Variants in ALDH1A2 observed in about 807,000 individuals in gnomAD.
ALDH1A2 encodes the protein retinal dehydrogenase 2.
A neutral mutation model predicts 60.3 loss-of-function variants in ALDH1A2; 27 were observed. That is an observed-to-expected ratio of 0.45 (90% confidence interval 0.33 to 0.62). The LOEUF is 0.62. ALDH1A2 is among the 20% of genes least tolerant of loss of function. ALDH1A2 has a pLI of 0.02. For synonymous variants in ALDH1A2, 289 were observed against 232.4 expected (o/e 1.24, Z -2.21); for missense variants, 581 against 643.8 (o/e 0.90, Z 1.06).
chr15:58,004,038 C>A (rs1375542129), intron 4 of ALDH1A2, among the ~76,000 whole-genome samples: 1 of 151,736 alleles, frequency 6.6e-6, no homozygotes, highest in Non-Finnish European at 1.5e-5. Flanking sequence ...GGGCCTTGAG[C>A]GAAACAGAAT....
chr15:57,964,106 C>G (rs371746910), intron 8 of ALDH1A2, 37 bp from the exon 9 acceptor site: 7 of 1,612,074 alleles, frequency 4.3e-6, no homozygotes, highest in Non-Finnish European at 5.9e-6. Flanking sequence ...ACCGCTTTGC[C>G]TGGGGAGGGG....
At chr15:58,022,949 CG>C (rs1453663077) in intron 1 of ALDH1A2, among the ~76,000 whole-genome samples, 1 of 152,102 alleles carries the variant, frequency 6.6e-6, no homozygotes, top group Non-Finnish European at 1.5e-5. Context: ...CATGAAAAAG[CG>C]AAGAAATATG....
At chr15:57,996,359 A>G (rs1356921407) in intron 4 of ALDH1A2, among the ~76,000 whole-genome samples, 1 of 149,570 alleles carries the variant, frequency 6.7e-6, no homozygotes, top group Non-Finnish European at 1.5e-5. Context: ...TGGATCTCTG[A>G]TCTCTACCCC....
At chr15:58,018,120 G>C (rs188260935) in intron 1 of ALDH1A2, among the ~76,000 whole-genome samples, 1 of 152,206 alleles carries the variant, frequency 6.6e-6, no homozygotes, top group African/African-American at 2.4e-5. Flanking sequence ...CTGTATCAGG[G>C]AAAGTACAAG....
intron 2 of ALDH1A2, 33 bp downstream of exon 2, chr15:58,014,144 T>A (rs1433368027): frequency 1.2e-6 from 2 of 1,614,152 alleles, no homozygotes; most frequent in Non-Finnish European, 1.7e-6. Context: ...GGCAGTTATT[T>A]CATAGGAAAT....
rs577445822 is a variant in ALDH1A2, at chr15:57,993,186, A to G, written c.556-113T>C. 31 of 1,279,796 alleles carry G rather than the reference A, an allele frequency of 2.4e-5. 1 individual carries two copies. Among genetic ancestry groups the G allele is most frequent in the Non-Finnish European group, 1.3e-5 (12 of 910,286 alleles). 79.3% of individuals were successfully genotyped at this position (1,279,796 alleles called of 1,614,324 possible). On this transcript the variant is annotated intron_variant, in intron 5 of 12. Coordinates refer to ENST00000249750, the MANE Select transcript of ALDH1A2 (RefSeq NM_003888.4). ...CTAGTCCTCGACATAAATCTTGTCCACTACAAAGTACAGATGTTTGGATTT... is the reference window on the plus strand; with the variant it reads ...CTAGTCCTCGACATAAATCTTGTCCGCTACAAAGTACAGATGTTTGGATTT...
intron 7 of ALDH1A2, among the ~76,000 whole-genome samples, chr15:57,980,905 G>A (rs1462711830): frequency 2.6e-5 from 4 of 152,236 alleles, no homozygotes; most frequent in South Asian, 2.1e-4. Flanking sequence ...CTGTGAATCC[G>A]TCTGGTCCTG....
At chr15:57,961,321 T>A (rs761685954) in intron 10 of ALDH1A2, 27 bp from the exon 11 acceptor site, 1 of 1,611,558 alleles carries the variant, frequency 6.2e-7, no homozygotes, top group Middle Eastern at 1.7e-4. Context: ...TGACTCAACA[T>A]GGTTGCTCTG....
At chr15:58,000,467 C>T (rs1360352162) in intron 4 of ALDH1A2, among the ~76,000 whole-genome samples, 2 of 151,960 alleles carry the variant, frequency 1.3e-5, no homozygotes, top group Non-Finnish European at 1.5e-5. Flanking sequence ...TTCCAAGTAT[C>T]ATTTGCTCTG....
At chr15:58,004,511 A>G (rs1252262863) in intron 4 of ALDH1A2, among the ~76,000 whole-genome samples, 1 of 151,578 alleles carries the variant, frequency 6.6e-6, no homozygotes, top group Non-Finnish European at 1.5e-5. Flanking sequence ...AATGTGTATT[A>G]GGTCTCTCCG....
chr15:58,042,034 G>A (rs1896530199), intron 1 of ALDH1A2, among the ~76,000 whole-genome samples: 1 of 151,836 alleles, frequency 6.6e-6, no homozygotes, highest in East Asian at 1.9e-4. Flanking sequence ...TACTGTATTA[G>A]GATTTGAACA....
At chr15:58,051,240 C>G (rs1447557830) in intron 1 of ALDH1A2, among the ~76,000 whole-genome samples, 2 of 152,164 alleles carry the variant, frequency 1.3e-5, no homozygotes, top group East Asian at 3.9e-4. Flanking sequence ...CTAAAGGACC[C>G]TGACTTAAAC....
intron 1 of ALDH1A2, chr15:58,065,314 CGGGTT>C: frequency 1.7e-6 from 1 of 581,286 alleles, no homozygotes; most frequent in South Asian, 1.9e-5. Flanking sequence ...CGCTGCGCTT[CGGGTT>C]GGGTTAAGTC....
chr15:57,998,191 C>T (rs1458450410), intron 4 of ALDH1A2, among the ~76,000 whole-genome samples: 1 of 152,008 alleles, frequency 6.6e-6, no homozygotes, highest in East Asian at 1.9e-4. Context: ...ATTGGAAGTT[C>T]TGGCCAGTTC....
intron 7 of ALDH1A2, among the ~76,000 whole-genome samples, chr15:57,986,571 C>CAAAAAAAAAAAAAA (rs71116542): frequency 2.4e-5 from 2 of 82,070 alleles, no homozygotes; most frequent in East Asian, 5.0e-4. Flanking sequence ...ACAGAAAAGC[C>CAAAAAAAAAAAAAA]AAAAAAAAAA....
intron 7 of ALDH1A2, among the ~76,000 whole-genome samples, chr15:57,986,858 T>C (rs929101124): frequency 2.0e-5 from 3 of 152,046 alleles, no homozygotes; most frequent in African/African-American, 7.2e-5. Flanking sequence ...TTTCACTATG[T>C]TGGCCGGGTT....
At chr15:58,045,794 A>G (rs948360373) in intron 1 of ALDH1A2, among the ~76,000 whole-genome samples, 2 of 152,046 alleles carry the variant, frequency 1.3e-5, no homozygotes, top group African/African-American at 2.4e-5. Flanking sequence ...ACAAAAATGC[A>G]TGTTCTGCAC....
intron 1 of ALDH1A2, 136 bp downstream of exon 1, chr15:58,065,398 C>A: frequency 1.2e-6 from 1 of 831,128 alleles, no homozygotes. Flanking sequence ...GGGGGTCCCT[C>A]TGCTGCGCCG....
chr15:58,014,287 G>A lies in ALDH1A2; in HGVS notation c.118-6C>T, dbSNP rs768145299. On this transcript the variant is annotated splice_region_variant and splice_polypyrimidine_tract_variant and intron_variant, in intron 1 of 12. Transcript: ENST00000249750. ...CACTCGTTGTTTATAAAGATCTAAGGGAGTAGATAACAGAATGGGATCTGT... is the reference window on the plus strand; with the variant it reads ...CACTCGTTGTTTATAAAGATCTAAGAGAGTAGATAACAGAATGGGATCTGT... 2 of 1,609,698 alleles carry A rather than the reference G, an allele frequency of 1.2e-6. No individual in the cohort carries two copies. The highest frequency in any genetic ancestry group is 2.2e-5 in the South Asian group (2 of 90,986).
Sources: gnomAD v4.1 joint callset for allele counts (sites outside exome capture counted in the v4.1 genomes callset) on GRCh38, gnomAD v4.1.1 for gene constraint, MANE v1.5 for transcripts, NCBI Gene and HGNC (gene_info 2026-07-23, HGNC 2026-07-21) for gene names.